CCDC178: variants seen among roughly 807,000 people sequenced by gnomAD.
CCDC178 encodes the protein coiled-coil domain containing 178.
CCDC178 carries 126 observed loss-of-function variants against 117.4 expected under a neutral mutation model. That is an observed-to-expected ratio of 1.07 (90% CI 0.93 to 1.24). The LOEUF (loss-of-function observed/expected upper bound fraction) is 1.24, where lower values mean the gene tolerates loss of function less well. Among genes scored for constraint, CCDC178 ranks in the 50% most tolerant of loss-of-function variants. The probability of loss-of-function intolerance (pLI) is 0.00; values close to 1 mark genes in which losing one functional copy is unlikely to be tolerated. For missense variants in CCDC178, 1,030 were observed against 986.9 expected (o/e 1.04, Z -0.59); for synonymous variants, 283 against 313.4 (o/e 0.90, Z 1.02).
chr18:33,321,483 T>C (rs2062507832), intron 11 of CCDC178, among the ~76,000 whole-genome samples: 1 of 152,172 alleles, frequency 6.6e-6, no homozygotes, highest in African/African-American at 2.4e-5. Context: ...AATAATAATG[T>C]ACTTATCTGT....
At chr18:33,411,766 G>C (rs1336793089) in intron 3 of CCDC178, among the ~76,000 whole-genome samples, 1 of 152,008 alleles carries the variant, frequency 6.6e-6, no homozygotes, top group Non-Finnish European at 1.5e-5. Flanking sequence ...GCACACCATT[G>C]TTGTACTGCT....
chr18:33,432,874 T>C (rs1052278555), intron 2 of CCDC178, among the ~76,000 whole-genome samples: 9 of 152,228 alleles, frequency 5.9e-5, no homozygotes, highest in African/African-American at 2.2e-4. Context: ...CACAGTTACA[T>C]TGATTAATGT....
intron 21 of CCDC178, among the ~76,000 whole-genome samples, chr18:33,076,668 C>T (rs1480411632): frequency 5.3e-5 from 8 of 152,162 alleles, no homozygotes; most frequent in African/African-American, 1.9e-4. Flanking sequence ...TCTTTGGTTA[C>T]TCTAGTCAGC....
intron 22 of CCDC178, among the ~76,000 whole-genome samples, chr18:32,966,025 A>G (rs1297250237): frequency 6.6e-6 from 1 of 150,512 alleles, no homozygotes; most frequent in Non-Finnish European, 1.5e-5. Context: ...ATGTAGTCAA[A>G]TTTATTACCC....
At chr18:33,289,835 G>A (rs1028061688) in intron 12 of CCDC178, among the ~76,000 whole-genome samples, 3 of 152,106 alleles carry the variant, frequency 2.0e-5, no homozygotes, top group Non-Finnish European at 4.4e-5. Flanking sequence ...TATGTCAGGA[G>A]AGGATCACAA....
In CCDC178 at chr18:33,322,550, C is replaced by A. The variant is rs538986967; in HGVS notation, c.1022+941G>T. Among the ~76,000 whole-genome samples the A allele has an allele frequency of 2.0e-5, 3 of 151,646 alleles. No homozygotes were observed. The South Asian group carries it at 6.2e-4, about 31-fold the overall frequency. On this transcript the variant is annotated intron_variant, in intron 11 of 22. Transcript: ENST00000383096. ...TTTTTCTCACGGAAATACAATTCAA[C>A]TGGAAAGCAATAATAAAAATTAATT...
chr18:33,109,913 A>G (rs1484100036), intron 20 of CCDC178, among the ~76,000 whole-genome samples: 1 of 151,508 alleles, frequency 6.6e-6, no homozygotes. Flanking sequence ...GCTGACAGTA[A>G]CACTTGGTAT....
chr18:33,051,580 T>C (rs1403650221), intron 21 of CCDC178, among the ~76,000 whole-genome samples: 2 of 152,180 alleles, frequency 1.3e-5, no homozygotes, highest in Non-Finnish European at 2.9e-5. Context: ...GGACGCTGTG[T>C]TGTAATAATT....
chr18:33,329,915 G>GTGTGTGTGT (rs1568151824), intron 10 of CCDC178, among the ~76,000 whole-genome samples: 3 of 130,740 alleles, frequency 2.3e-5, no homozygotes, highest in African/African-American at 5.5e-5. Context: ...GTGTGTGTGT[G>GTGTGTGTGT]GTATAATTCA....
chr18:33,264,561 A>G (rs942362959), intron 14 of CCDC178, among the ~76,000 whole-genome samples: 1 of 152,060 alleles, frequency 6.6e-6, no homozygotes, highest in Non-Finnish European at 1.5e-5. Flanking sequence ...TAATTAAGTA[A>G]CATCTCAGGG....
At chr18:33,349,254 A>G (rs1174426493) in intron 7 of CCDC178, among the ~76,000 whole-genome samples, 1 of 151,948 alleles carries the variant, frequency 6.6e-6, no homozygotes, top group East Asian at 1.9e-4. Context: ...TCATTCCTAG[A>G]AAGTGTTTCT....
rs9945202 is a variant in CCDC178 at position 33,149,860 on chromosome 18, A to C, written c.2239-56950T>G. ...GATTAACAGTCAAAAATATACACCC[A>C]TCATTCTTCACAGAACTAGAAAAAA... On this transcript the variant is annotated intron_variant, in intron 20 of 22. Coordinates refer to ENST00000383096, the MANE Select transcript of CCDC178 (RefSeq NM_001105528.4). Among the ~76,000 whole-genome samples the C allele has an allele frequency of 7.3e-3, 1,114 of 152,244 alleles. 17 individuals carry two copies. The highest frequency in any genetic ancestry group is 0.025 in the African/African-American group (1,051 of 41,548).
At chr18:33,177,061 T>C (rs1363747331) in intron 20 of CCDC178, among the ~76,000 whole-genome samples, 1 of 152,192 alleles carries the variant, frequency 6.6e-6, no homozygotes, top group Non-Finnish European at 1.5e-5. Flanking sequence ...TGCAGGTACA[T>C]GGATAAAGCT....
At chr18:33,363,707 C>CTA (rs1485860240) in intron 6 of CCDC178, among the ~76,000 whole-genome samples, 1 of 151,954 alleles carries the variant, frequency 6.6e-6, no homozygotes, top group Admixed American at 6.6e-5. Context: ...GTTCATAGAT[C>CTA]TATGGGTCAA....
At chr18:33,429,954 C>T (rs1237613720) in intron 2 of CCDC178, among the ~76,000 whole-genome samples, 1 of 152,122 alleles carries the variant, frequency 6.6e-6, no homozygotes, top group Admixed American at 6.6e-5. Flanking sequence ...GTCTCTTCCA[C>T]CTAAAATGTA....
At chr18:33,190,081 C>A (rs9963049) in intron 20 of CCDC178, among the ~76,000 whole-genome samples, 3 of 152,144 alleles carry the variant, frequency 2.0e-5, no homozygotes, top group African/African-American at 7.2e-5. Context: ...TAGCTGACAC[C>A]TAGAAGCAGT....
intron 20 of CCDC178, among the ~76,000 whole-genome samples, chr18:33,168,134 C>T (rs1228965415): frequency 6.6e-6 from 1 of 152,052 alleles, no homozygotes; most frequent in Non-Finnish European, 1.5e-5. Flanking sequence ...TTGCTTGTGG[C>T]ATCTTTGTTA....
intron 21 of CCDC178, among the ~76,000 whole-genome samples, chr18:33,069,772 C>T (rs1274028764): frequency 6.6e-6 from 1 of 151,900 alleles, no homozygotes; most frequent in African/African-American, 2.4e-5. Context: ...TGTTTGCAAA[C>T]TATCCAATAA....
chr18:33,402,773 C>G (rs1305799278), intron 3 of CCDC178, among the ~76,000 whole-genome samples: 4 of 152,168 alleles, frequency 2.6e-5, no homozygotes, highest in Non-Finnish European at 4.4e-5. Context: ...TTATGTCGCC[C>G]AGGCTACATT....
Sources: allele counts gnomAD v4.1 joint callset (sites outside exome capture counted in the v4.1 genomes callset), GRCh38; gene constraint gnomAD v4.1.1; transcripts MANE v1.5; gene names NCBI Gene and HGNC (gene_info 2026-07-23, HGNC 2026-07-21).